Variants in FUBP1 observed in about 807,000 individuals in gnomAD.
FUBP1 encodes far upstream element binding protein 1.
A neutral mutation model predicts 94.9 loss-of-function variants in FUBP1; 16 were observed. That is an observed-to-expected ratio of 0.17 (90% CI 0.11 to 0.26). The LOEUF (loss-of-function observed/expected upper bound fraction) is 0.26, where lower values mean the gene tolerates loss of function less well. Among genes scored for constraint, FUBP1 ranks in the 10% least tolerant of loss-of-function variants. The pLI is 1.00. For missense variants in FUBP1, 583 were observed against 808.6 expected, an observed-to-expected ratio of 0.72 and a Z score of 3.38; for synonymous variants, 279 against 254.9, an observed-to-expected ratio of 1.09 and a Z score of -0.90.
intron 19 of FUBP1, 63 bp from the exon 20 acceptor site, chr1:77,948,837 A>T (rs1321850435): frequency 5.6e-6 from 9 of 1,602,194 alleles, no homozygotes; most frequent in Non-Finnish European, 7.7e-6. Flanking sequence ...AAATGGAGCT[A>T]ATTCAGGAGT....
At chr1:77,958,457 T>TA (rs1654876219) in intron 16 of FUBP1, among the ~76,000 whole-genome samples, 1 of 152,220 alleles carries the variant, frequency 6.6e-6, no homozygotes, top group Non-Finnish European at 1.5e-5. Context: ...ACTCTTTTTT[T>TA]AAAGAAACAT....
At chr1:77,948,894 T>G in intron 19 of FUBP1, 120 bp from the exon 20 acceptor site, 1 of 1,378,038 alleles carries the variant, frequency 7.3e-7, no homozygotes, top group Non-Finnish European at 1.0e-6. Context: ...GGTGGTGGCT[T>G]CTTGCATGAT....
intron 16 of FUBP1, among the ~76,000 whole-genome samples, chr1:77,958,384 A>T (rs1444999714): frequency 6.6e-6 from 1 of 152,246 alleles, no homozygotes; most frequent in Non-Finnish European, 1.5e-5. Context: ...ACTAGGACTG[A>T]TATAGGTTTA....
At chr1:77,950,836 TA>T (rs1425117599) in intron 18 of FUBP1, among the ~76,000 whole-genome samples, 1 of 152,166 alleles carries the variant, frequency 6.6e-6, no homozygotes, top group Non-Finnish European at 1.5e-5. Flanking sequence ...ATCACCATTG[TA>T]AAACAGGTCA....
At chr1:77,965,029 A>G in intron 8 of FUBP1, 40 bp downstream of exon 8, 1 of 1,601,106 alleles carries the variant, frequency 6.2e-7, no homozygotes, top group Non-Finnish European at 8.6e-7. Context: ...ATGGGCATCA[A>G]AACAGATCAA....
chr1:77,962,979 G>A (rs754927858), intron 13 of FUBP1, 49 bp from the exon 14 acceptor site: 1 of 1,341,012 alleles, frequency 7.5e-7, no homozygotes, highest in East Asian at 2.3e-5. Flanking sequence ...GGGTGTACTA[G>A]GAGCTATTTA....
intron 1 of FUBP1, among the ~76,000 whole-genome samples, 186 bp downstream of exon 1, chr1:77,978,695 GGCAC>G (rs1178756735): frequency 2.0e-5 from 3 of 152,184 alleles, no homozygotes; most frequent in Non-Finnish European, 2.9e-5. Context: ...AAGTGGATTA[GGCAC>G]CAAGAACACA....
At chr1:77,955,164 C>A in intron 18 of FUBP1, 91 bp downstream of exon 18, 3 of 657,928 alleles carry the variant, frequency 4.6e-6, no homozygotes, top group East Asian at 2.9e-5. Flanking sequence ...TTTACAAGTC[C>A]AGTGATTTTA....
Position 77,947,503 on chromosome 1 carries a change from C to T in FUBP1, c.*1263G>A. On this transcript the variant is annotated 3_prime_UTR_variant, in exon 20 of 20. Transcript: ENST00000370768. ...AATCAAGGATGATACACAGCACAGT[C>T]CTCCTCACCCCTACAGAGCTAGTTC... 7.5e-7 allele frequency: 1 copy of T among 1,336,756 alleles called. No individual in the cohort carries two copies. Among genetic ancestry groups the T allele is most frequent in the Non-Finnish European group, 9.9e-7 (1 of 1,012,232 alleles). The allele number at this position is 1,336,756 out of a possible 1,614,324, so 82.8% of individuals were successfully genotyped here.
At chr1:77,952,691 T>G (rs1485290126) in intron 18 of FUBP1, among the ~76,000 whole-genome samples, 2 of 152,214 alleles carry the variant, frequency 1.3e-5, no homozygotes, top group East Asian at 3.8e-4. Context: ...AAGATCCTGA[T>G]GACAGGTAAG....
At position 77,948,944 on chromosome 1, in the gene FUBP1, A is replaced by C. The variant is rs1403383426; in HGVS notation, c.1927-170T>G. ...GGGAAGAAAATTTATTTTTAAAATC[A>C]AAGGCATTGCAGAAATATTCACCAC... On this transcript the variant is annotated intron_variant, in intron 19 of 19. Transcript: ENST00000370768. The C allele has an allele frequency of 5.7e-6, 6 of 1,053,120 alleles. No homozygotes were observed. In the Admixed American group the frequency reaches 1.2e-4, roughly 21 times the overall value. The allele number at this position is 1,053,120 out of a possible 1,614,324, so 65.2% of individuals were successfully genotyped here.
At chr1:77,979,241 G>A, upstream of FUBP1, 1 of 496,526 alleles carries the variant, frequency 2.0e-6, no homozygotes, top group South Asian at 3.1e-5. Context: ...TTAAGTTTAA[G>A]ACTTCGCGAG....
intron 1 of FUBP1, among the ~76,000 whole-genome samples, chr1:77,973,784 G>C (rs537669495): frequency 4.8e-4 from 73 of 152,262 alleles, no homozygotes; most frequent in Middle Eastern, 3.4e-3. Context: ...CTATGATATA[G>C]TACAATCAGA....
At chr1:77,955,139 A>G (rs984188271) in intron 18 of FUBP1, 116 bp downstream of exon 18, 7 of 574,270 alleles carry the variant, frequency 1.2e-5, no homozygotes, top group African/African-American at 5.9e-5. Flanking sequence ...TATAATTTAC[A>G]ACTGTCTTGA....
chr1:77,954,307 A>C (rs772180196), intron 18 of FUBP1, among the ~76,000 whole-genome samples: 2 of 152,232 alleles, frequency 1.3e-5, no homozygotes, highest in Admixed American at 6.5e-5. Flanking sequence ...TTTTAAGTTA[A>C]AAGTTTCTTT....
At chr1:77,956,039 G>A (rs959504669) in intron 17 of FUBP1, among the ~76,000 whole-genome samples, 7 of 152,070 alleles carry the variant, frequency 4.6e-5, no homozygotes, top group African/African-American at 7.2e-5. Context: ...GCCAAATCCA[G>A]GATAATCTGA....
At position 77,947,149 on chromosome 1, in the gene FUBP1, A is replaced by G. The variant is rs1652334719; in HGVS notation, c.*1617T>C. ...CATATTAAATATAGAAGATATGCAT[A>G]TTTTACACTGAAAAACAATATTTTA... On this transcript the variant is annotated 3_prime_UTR_variant, in exon 20 of 20. Transcript: ENST00000370768. 4.8e-6 allele frequency: 1 copy of G among 210,032 alleles called. No individual in the cohort carries two copies. Among genetic ancestry groups the G allele is most frequent in the South Asian group, 1.6e-4 (1 of 6,142 alleles). 13.0% of individuals were successfully genotyped at this position (210,032 alleles called of 1,614,324 possible). A position where few individuals can be genotyped will look rare whatever the true frequency, so the allele number is the denominator to read the frequency against.
At position 77,964,861 on chromosome 1, in the gene FUBP1, T is replaced by TA; in HGVS notation, c.735+8dup. ...ACTCTTTCTTTATAAAGTATAAAGT[T>TA]AAGTTTACTTGAACTTTATATGGGT... On this transcript the variant is annotated intron_variant, in intron 9 of 19. Transcript: ENST00000370768. 5.1e-6 allele frequency: 8 copies of TA among 1,572,984 alleles called. No individual in the cohort carries two copies. The highest frequency in any genetic ancestry group is 7.0e-6 in the Non-Finnish European group (8 of 1,142,650).
chr1:77,948,980 G>GA, intron 19 of FUBP1, 175 bp downstream of exon 19: 1 of 903,586 alleles, frequency 1.1e-6, no homozygotes, highest in Non-Finnish European at 1.8e-6. Flanking sequence ...TCAGATGCTG[G>GA]AAAGCATTAT....
Sources: gnomAD v4.1 joint callset for allele counts (sites outside exome capture counted in the v4.1 genomes callset) on GRCh38, gnomAD v4.1.1 for gene constraint, MANE v1.5 for transcripts, NCBI Gene and HGNC (gene_info 2026-07-23, HGNC 2026-07-21) for gene names.